Variants in KIRREL3 observed in about 807,000 individuals in gnomAD.
KIRREL3 encodes kirre like nephrin family adhesion molecule 3.
KIRREL3 carries 36 observed loss-of-function variants against 89.7 expected under a neutral mutation model. That is an observed-to-expected ratio of 0.40 (90% confidence interval 0.31 to 0.53). The LOEUF (loss-of-function observed/expected upper bound fraction) is 0.53, where lower values mean the gene tolerates loss of function less well. KIRREL3 is among the 20% of genes least tolerant of loss of function. The probability of loss-of-function intolerance (pLI) is 0.49; values close to 1 mark genes in which losing one functional copy is unlikely to be tolerated. For synonymous variants in KIRREL3, 445 were observed against 441.4 expected (o/e 1.01, Z -0.10); for missense variants, 864 against 1,056.6 (o/e 0.82, Z 2.53).
chr11:126,972,846 A>G (rs952621610), intron 1 of KIRREL3, among the ~76,000 whole-genome samples: 1 of 152,122 alleles, frequency 6.6e-6, no homozygotes, highest in Non-Finnish European at 1.5e-5. Flanking sequence ...ACAACTGCAG[A>G]GGAATAAAAA....
rs1404379758 is a variant in KIRREL3, at chr11:126,684,756, G to C, written c.56-121844C>G. ...AAAGGCCACCTAATCACTTTGCTTT[G>C]GTATTCATTAGTCATTTAACACCTC... On this transcript the variant is annotated intron_variant, in intron 1 of 16. Transcript: ENST00000525144. This position sits in a 1 kb window ranked among gnomAD's most constrained non-coding sequence, Gnocchi z 4.2. Among the ~76,000 whole-genome samples the C allele has an allele frequency of 6.6e-6, 1 of 152,150 alleles. No individual in the cohort carries two copies. The highest frequency in any genetic ancestry group is 1.5e-5 in the Non-Finnish European group (1 of 68,022).
Position 126,628,803 on chromosome 11 carries a change from C to T in KIRREL3, c.56-65891G>A, listed in dbSNP as rs1253927780. 1.3e-5 allele frequency among the ~76,000 whole-genome samples: 2 copies of T among 152,196 alleles called. No individual in the cohort carries two copies. The highest frequency in any genetic ancestry group is 1.9e-4 in the East Asian group (1 of 5,184). On this transcript the variant is annotated intron_variant, in intron 1 of 16. Transcript: ENST00000525144. This position sits in a 1 kb window ranked among gnomAD's most constrained non-coding sequence, Gnocchi z 5.2. Reference sequence around the variant, plus strand: ...TGGAGCCAGGGCCTCGCCTCTACTGCCCCCTCCGCTCGCTCTGCCTGTGCA... The same window carrying T: ...TGGAGCCAGGGCCTCGCCTCTACTGTCCCCTCCGCTCGCTCTGCCTGTGCA...
Position 126,530,968 on chromosome 11 carries a change from T to C in KIRREL3, c.134-4281A>G, listed in dbSNP as rs539718434. 9.9e-4 allele frequency among the ~76,000 whole-genome samples: 151 copies of C among 152,254 alleles called. 1 individual carries two copies. Among genetic ancestry groups the C allele is most frequent in the African/African-American group, 3.2e-3 (135 of 41,546 alleles). On this transcript the variant is annotated intron_variant, in intron 2 of 16. Coordinates refer to ENST00000525144, the MANE Select transcript of KIRREL3 (RefSeq NM_032531.4). This position sits in a 1 kb window ranked among gnomAD's most constrained non-coding sequence, Gnocchi z 5.8. ...GCCTCAGCCTCTTGAGTAGCTGGGA[T>C]TACAGGCACTCACCACCATGTCTGG... is the stretch of plus-strand genomic sequence containing the variant.
chr11:126,796,355 G>C lies in KIRREL3; in HGVS notation c.55+204100C>G, dbSNP rs947449454. Among the ~76,000 whole-genome samples the C allele has an allele frequency of 9.9e-5, 15 of 152,220 alleles. No homozygotes were observed. Among genetic ancestry groups the C allele is most frequent in the African/African-American group, 3.6e-4 (15 of 41,458 alleles). Reference sequence around the variant, plus strand: ...GGGCTGACCCAGGGCATCAGGGCTGGGGATTGTCTTGGATGGAAGGATCTC... The same window carrying C: ...GGGCTGACCCAGGGCATCAGGGCTGCGGATTGTCTTGGATGGAAGGATCTC... On this transcript the variant is annotated intron_variant, in intron 1 of 16. Coordinates refer to ENST00000525144, the MANE Select transcript of KIRREL3 (RefSeq NM_032531.4). This position sits in a 1 kb window ranked among gnomAD's most constrained non-coding sequence, Gnocchi z 5.1.
In KIRREL3 at chr11:126,568,627, C is replaced by G. The variant is rs558037228; in HGVS notation, c.56-5715G>C. Among the ~76,000 whole-genome samples the G allele has an allele frequency of 3.9e-5, 6 of 152,290 alleles. 1 individual carries two copies. Among genetic ancestry groups the G allele is most frequent in the African/African-American group, 1.4e-4 (6 of 41,568 alleles). ...TAACAGAGCTGGCTGGAGCCATGCT[C>G]CAGCACTTACCAGTGAGCAACTCTT... On this transcript the variant is annotated intron_variant, in intron 1 of 16. Coordinates refer to ENST00000525144, the MANE Select transcript of KIRREL3 (RefSeq NM_032531.4). The surrounding 1 kb of genome is among the most constrained non-coding windows in gnomAD (Gnocchi z 4.6).
In KIRREL3 at chr11:126,563,804, A is replaced by G. The variant is rs1940308646; in HGVS notation, c.56-892T>C. Among the ~76,000 whole-genome samples the G allele has an allele frequency of 6.6e-6, 1 of 152,168 alleles. No individual in the cohort carries two copies. Among genetic ancestry groups the G allele is most frequent in the Non-Finnish European group, 1.5e-5 (1 of 68,032 alleles). On this transcript the variant is annotated intron_variant, in intron 1 of 16. Transcript: ENST00000525144. The surrounding 1 kb of genome is among the most constrained non-coding windows in gnomAD (Gnocchi z 6.8). ...CTTTCCTCTCTGGTATTTGTGCTTT[A>G]TCCTGATTCATCTTAATCACTTTAT...
intron 1 of KIRREL3, among the ~76,000 whole-genome samples, chr11:126,804,778 T>C (rs10893574): frequency 0.45 from 67,768 of 151,874 alleles, 15,181 homozygotes; most frequent in South Asian, 0.58. Flanking sequence ...TTCCAAGCAG[T>C]GGCTCACAAC....
rs909268387 is a variant in KIRREL3, at chr11:126,531,530, A to C, written c.134-4843T>G. On this transcript the variant is annotated intron_variant, in intron 2 of 16. Transcript: ENST00000525144. This position sits in a 1 kb window ranked among gnomAD's most constrained non-coding sequence, Gnocchi z 4.7. Reference sequence around the variant, plus strand: ...TGCCTCGAGTTCTCCTCGATGTTTCATTGTCCTGGGATGCACTGCATCCCC... The same window carrying C: ...TGCCTCGAGTTCTCCTCGATGTTTCCTTGTCCTGGGATGCACTGCATCCCC... Among the ~76,000 whole-genome samples, 6 of 151,810 alleles carry C rather than the reference A, an allele frequency of 4.0e-5. No individual in the cohort carries two copies. The highest frequency in any genetic ancestry group is 7.4e-5 in the Non-Finnish European group (5 of 67,974).
At chr11:126,825,827 G>T (rs1022988440) in intron 1 of KIRREL3, among the ~76,000 whole-genome samples, 6 of 152,184 alleles carry the variant, frequency 3.9e-5, no homozygotes, top group Non-Finnish European at 7.3e-5. Context: ...GGGGCACAGA[G>T]GGATTAAGTA....
Position 126,609,071 on chromosome 11 carries a change from G to C in KIRREL3, c.56-46159C>G, listed in dbSNP as rs1330656957. 1.3e-5 allele frequency among the ~76,000 whole-genome samples: 2 copies of C among 152,204 alleles called. No homozygotes were observed. The highest frequency in any genetic ancestry group is 2.9e-5 in the Non-Finnish European group (2 of 68,040). On this transcript the variant is annotated intron_variant, in intron 1 of 16. Coordinates refer to ENST00000525144, the MANE Select transcript of KIRREL3 (RefSeq NM_032531.4). The surrounding 1 kb of genome is among the most constrained non-coding windows in gnomAD (Gnocchi z 5.0). ...AAACTAACCCGGAGACAGGGCTAAAGTTACTGCCCACTCAACTCTGCATGG... is the reference window on the plus strand; with the variant it reads ...AAACTAACCCGGAGACAGGGCTAAACTTACTGCCCACTCAACTCTGCATGG...
chr11:126,761,063 T>G lies in KIRREL3; in HGVS notation c.56-198151A>C, dbSNP rs1949653343. On this transcript the variant is annotated intron_variant, in intron 1 of 16. Coordinates refer to ENST00000525144, the MANE Select transcript of KIRREL3 (RefSeq NM_032531.4). This position sits in a 1 kb window ranked among gnomAD's most constrained non-coding sequence, Gnocchi z 4.4. ...AGTTGCTCTATGCATTCTTTACTGC[T>G]GGACCATGGAGGATATATGGAATGG... Among the ~76,000 whole-genome samples, 1 of 152,212 alleles carries G rather than the reference T, an allele frequency of 6.6e-6. No homozygotes were observed. The highest frequency in any genetic ancestry group is 2.4e-5 in the African/African-American group (1 of 41,462).
intron 5 of KIRREL3, among the ~76,000 whole-genome samples, chr11:126,467,643 T>TA (rs202006782): frequency 0.1 from 15,301 of 149,398 alleles, 2,591 homozygotes; most frequent in African/African-American, 0.35. Context: ...TTTTTTTTTT[T>TA]TAAAAAATCA....
In KIRREL3 at chr11:126,522,366, C is replaced by A. The variant is rs1051615200; in HGVS notation, c.284-902G>T. 6.6e-6 allele frequency among the ~76,000 whole-genome samples: 1 copy of A among 152,096 alleles called. No individual in the cohort carries two copies. ...TGCAAAAATTTTGTTTCAGGATGGACAGGAAGTAGAAATCTAGGCCCGCCC... is the reference window on the plus strand; with the variant it reads ...TGCAAAAATTTTGTTTCAGGATGGAAAGGAAGTAGAAATCTAGGCCCGCCC... On this transcript the variant is annotated intron_variant, in intron 3 of 16. Coordinates refer to ENST00000525144, the MANE Select transcript of KIRREL3 (RefSeq NM_032531.4). The surrounding 1 kb of genome is among the most constrained non-coding windows in gnomAD (Gnocchi z 6.0).
At chr11:126,638,523 C>A (rs1481093855) in intron 1 of KIRREL3, among the ~76,000 whole-genome samples, 2 of 152,194 alleles carry the variant, frequency 1.3e-5, no homozygotes, top group Non-Finnish European at 2.9e-5. Context: ...ATCATTACTG[C>A]ATAAATGTGG....
chr11:126,661,016 A>G (rs1945375891), intron 1 of KIRREL3, among the ~76,000 whole-genome samples: 1 of 152,148 alleles, frequency 6.6e-6, no homozygotes, highest in East Asian at 1.9e-4. Context: ...TAAAGAAACC[A>G]CTGATGTTTA....
intron 1 of KIRREL3, among the ~76,000 whole-genome samples, chr11:126,617,362 G>A (rs1943395781): frequency 6.6e-6 from 1 of 152,242 alleles, no homozygotes; most frequent in Non-Finnish European, 1.5e-5. Context: ...TAGATTCACT[G>A]CAGAGAAGTT....
In KIRREL3 at chr11:126,876,569, G is replaced by C. The variant is rs1437492666; in HGVS notation, c.55+123886C>G. On this transcript the variant is annotated intron_variant, in intron 1 of 16. Transcript: ENST00000525144. The surrounding 1 kb of genome is among the most constrained non-coding windows in gnomAD (Gnocchi z 4.1). ...TTTTTTTTTTTTGAGATGGAGTCTT[G>C]CTCTGTCACCCAGGCTGGAGTGCAG... Among the ~76,000 whole-genome samples the C allele has an allele frequency of 1.5e-5, 2 of 134,834 alleles. No individual in the cohort carries two copies. Among genetic ancestry groups the C allele is most frequent in the Admixed American group, 7.9e-5 (1 of 12,720 alleles). The allele number at this position is 134,834 out of a possible 152,430, so 88.5% of individuals were successfully genotyped here. A position where few individuals can be genotyped will look rare whatever the true frequency, so the allele number is the denominator to read the frequency against.
rs111678473 is a variant in KIRREL3 at position 126,486,199 on chromosome 11, C to T, written c.434-12733G>A. Among the ~76,000 whole-genome samples the T allele has an allele frequency of 2.0e-3, 302 of 152,166 alleles. 4 individuals carry two copies. The highest frequency in any genetic ancestry group is 0.011 in the East Asian group (56 of 5,172). On this transcript the variant is annotated intron_variant, in intron 4 of 16. Transcript: ENST00000525144. The surrounding 1 kb of genome is among the most constrained non-coding windows in gnomAD (Gnocchi z 6.2). ...CTCAAGCAGACCAGTGTGCCTGTGC[C>T]GGCTCCAGATGACAGAGGGTGCTAC...
intron 1 of KIRREL3, among the ~76,000 whole-genome samples, chr11:126,711,362 C>A (rs1947746645): frequency 6.6e-6 from 1 of 152,136 alleles, no homozygotes; most frequent in South Asian, 2.1e-4. Context: ...GAGTTTGAGA[C>A]CAGCCTGGCC....
Sources: gnomAD v4.1 joint callset for allele counts (sites outside exome capture counted in the v4.1 genomes callset) on GRCh38, gnomAD v4.1.1 for gene constraint, Gnocchi (gnomAD v3.1) non-coding constraint, MANE v1.5 for transcripts, NCBI Gene and HGNC (gene_info 2026-07-23, HGNC 2026-07-21) for gene names.